SEMA6D: variants seen among roughly 807,000 people sequenced by gnomAD.
The protein encoded by SEMA6D is semaphorin-6D.
Under a neutral mutation model 106.6 loss-of-function variants are expected in SEMA6D, and 35 were observed. That is an observed-to-expected ratio of 0.33 (90% CI 0.25 to 0.44). The LOEUF is 0.44. SEMA6D is among the 20% of genes least tolerant of loss of function. The pLI, the probability that SEMA6D is intolerant of heterozygous loss-of-function variation, is 1.00. For synonymous variants in SEMA6D, 499 were observed against 487.7 expected (o/e 1.02, Z -0.31); for missense variants, 1,185 against 1,345.9 (o/e 0.88, Z 1.87).
rs942178372 is a variant in SEMA6D at position 47,540,625 on chromosome 15, G to A, written c.-86-60240G>A. ...CCTAATTGGTCAGCAGCTACATACC[G>A]AATAGAAGAATGAAGAGAGAAGACT... is the stretch of plus-strand genomic sequence containing the variant. On this transcript the variant is annotated intron_variant, in intron 3 of 19. Coordinates refer to the SEMA6D transcript ENST00000558014. 6.6e-5 allele frequency among the ~76,000 whole-genome samples: 10 copies of A among 152,122 alleles called. No individual in the cohort carries two copies. The South Asian group carries it at 1.2e-3, about 19-fold the overall frequency.
chr15:47,626,742 A>C (rs1331883119), intron 4 of SEMA6D, among the ~76,000 whole-genome samples: 1 of 152,152 alleles, frequency 6.6e-6, no homozygotes, highest in Non-Finnish European at 1.5e-5. Flanking sequence ...TTTGAAATTG[A>C]ATAACAAGTC....
Position 47,454,963 on chromosome 15 carries a change from T to A in SEMA6D, c.-158-15511T>A, listed in dbSNP as rs558785548. Among the ~76,000 whole-genome samples, 12 of 152,002 alleles carry A rather than the reference T, an allele frequency of 7.9e-5. No homozygotes were observed. The East Asian group carries it at 2.1e-3, about 27-fold the overall frequency. ...TCCTGTAGGCGTTGATTTTCCACTC[T>A]ATGATAGAAGGGTTAATAATACCTA... On this transcript the variant is annotated intron_variant, in intron 2 of 19. Transcript: ENST00000558014.
intron 4 of SEMA6D, among the ~76,000 whole-genome samples, chr15:47,623,402 G>A (rs1349075080): frequency 6.6e-6 from 1 of 152,078 alleles, no homozygotes; most frequent in East Asian, 1.9e-4. Flanking sequence ...TTTTATATAG[G>A]TAAAATTATC....
chr15:47,386,611 C>T lies in SEMA6D; in HGVS notation c.-238-25782C>T, dbSNP rs185670078. On this transcript the variant is annotated intron_variant, in intron 1 of 19. Coordinates refer to the SEMA6D transcript ENST00000558014. ...GGTTGGCTGTTAGCAGAATCCATAT[C>T]TCCTAGGCATGGACCTGTCTTAGTA... 4.6e-5 allele frequency among the ~76,000 whole-genome samples: 7 copies of T among 152,306 alleles called. No individual in the cohort carries two copies. In the East Asian group the frequency reaches 1.2e-3, roughly 25 times the overall value.
chr15:47,525,149 C>G (rs147943401), intron 3 of SEMA6D: 1 of 152,336 alleles, frequency 6.6e-6, no homozygotes, highest in East Asian at 1.9e-4. Flanking sequence ...CTGTCCTTCT[C>G]CTCTTGTATC....
chr15:47,233,553 A>G (rs1380210415), intron 1 of SEMA6D, among the ~76,000 whole-genome samples: 3 of 152,024 alleles, frequency 2.0e-5, no homozygotes, highest in African/African-American at 7.2e-5. Flanking sequence ...GAGTCTTCCA[A>G]TGTATGAATA....
At chr15:47,228,563 A>T (rs1319361344) in intron 1 of SEMA6D, among the ~76,000 whole-genome samples, 2 of 152,038 alleles carry the variant, frequency 1.3e-5, no homozygotes. Context: ...GTTCACTGTT[A>T]CATTGCAGGT....
intron 4 of SEMA6D, among the ~76,000 whole-genome samples, chr15:47,700,336 G>A (rs2078784633): frequency 6.6e-6 from 1 of 152,090 alleles, no homozygotes; most frequent in Non-Finnish European, 1.5e-5. Context: ...GACCAGCCTA[G>A]GCAATGTAGG....
At chr15:47,227,470 C>CTT (rs1178097013) in intron 1 of SEMA6D, among the ~76,000 whole-genome samples, 46 of 79,698 alleles carry the variant, frequency 5.8e-4, no homozygotes, top group African/African-American at 1.8e-3. Flanking sequence ...CTTTCTTTTT[C>CTT]TTTCTCTTTC....
chr15:47,560,211 CAA>C lies in SEMA6D; in HGVS notation c.-86-40646_-86-40645del, dbSNP rs145556955. Among the ~76,000 whole-genome samples, 16 of 149,534 alleles carry C rather than the reference CAA, an allele frequency of 1.1e-4. No homozygotes were observed. The South Asian group carries it at 3.4e-3, about 32-fold the overall frequency. ...AGCAAGAAAGACCAGTATTCAGAGACAAAAAAAAATGCAGTAAATAAAAACTG... is the reference window on the plus strand; with the variant it reads ...AGCAAGAAAGACCAGTATTCAGAGACAAAAAAATGCAGTAAATAAAAACTG... On this transcript the variant is annotated intron_variant, in intron 3 of 19. Coordinates refer to the SEMA6D transcript ENST00000558014.
intron 3 of SEMA6D, among the ~76,000 whole-genome samples, chr15:47,495,893 T>G (rs986945193): frequency 4.6e-5 from 7 of 152,048 alleles, no homozygotes; most frequent in African/African-American, 1.7e-4. Flanking sequence ...ATTTTTCAGC[T>G]TTGTAGAGTT....
chr15:47,380,972 C>T (rs972729848), intron 1 of SEMA6D, among the ~76,000 whole-genome samples: 2 of 152,034 alleles, frequency 1.3e-5, no homozygotes, highest in Non-Finnish European at 2.9e-5. Context: ...AAATAAAATG[C>T]TAAAAAGAGA....
chr15:47,419,074 T>C (rs2041070572), intron 2 of SEMA6D, among the ~76,000 whole-genome samples: 1 of 152,096 alleles, frequency 6.6e-6, no homozygotes, highest in Non-Finnish European at 1.5e-5. Context: ...AAGAGAGGAT[T>C]TCATGAGAGA....
At chr15:47,246,985 C>T (rs567025709) in intron 1 of SEMA6D, among the ~76,000 whole-genome samples, 31 of 152,288 alleles carry the variant, frequency 2.0e-4, no homozygotes, top group African/African-American at 7.5e-4. Flanking sequence ...CTAAAATGCA[C>T]AAATAGGTTG....
At chr15:47,350,870 C>T (rs1027783368) in intron 1 of SEMA6D, among the ~76,000 whole-genome samples, 1 of 152,110 alleles carries the variant, frequency 6.6e-6, no homozygotes, top group Non-Finnish European at 1.5e-5. Context: ...GTAAGGTTTT[C>T]TGTGCCTGTT....
intron 1 of SEMA6D, among the ~76,000 whole-genome samples, chr15:47,277,339 A>G (rs1201544081): frequency 6.6e-6 from 1 of 152,102 alleles, no homozygotes; most frequent in Admixed American, 6.6e-5. Flanking sequence ...ATCACATGCT[A>G]CATAGAAATC....
chr15:47,732,849 A>G (rs531761343), intron 1 of SEMA6D, among the ~76,000 whole-genome samples: 39 of 152,342 alleles, frequency 2.6e-4, no homozygotes, highest in African/African-American at 8.9e-4. Flanking sequence ...GGCAGGATTC[A>G]TAAAACGACT....
chr15:47,753,405 A>T lies in SEMA6D; in HGVS notation c.-54-6340A>T, dbSNP rs572618204. Among the ~76,000 whole-genome samples, 27 of 152,300 alleles carry T rather than the reference A, an allele frequency of 1.8e-4. No individual in the cohort carries two copies. In the South Asian group the frequency reaches 5.2e-3, roughly 29 times the overall value. Reference sequence around the variant, plus strand: ...TCATCCAAGGTTACGACTTTGCAAGAAAAGCTGACAAGGACACAGAGGATG... The same window carrying T: ...TCATCCAAGGTTACGACTTTGCAAGTAAAGCTGACAAGGACACAGAGGATG... On this transcript the variant is annotated intron_variant, in intron 1 of 18. Transcript: ENST00000536845.
intron 2 of SEMA6D, among the ~76,000 whole-genome samples, chr15:47,432,584 G>GCCTATGTATATACATATACAC (rs1302334980): frequency 2.7e-5 from 4 of 150,038 alleles, no homozygotes; most frequent in South Asian, 2.1e-4. Flanking sequence ...TACATATACA[G>GCCTATGTATATACATATACAC]CTATATGCAT....
Sources: allele counts gnomAD v4.1 joint callset (sites outside exome capture counted in the v4.1 genomes callset), GRCh38; gene constraint gnomAD v4.1.1; transcripts MANE v1.5; gene names NCBI Gene and HGNC (gene_info 2026-07-23, HGNC 2026-07-21).